KMT2E: variants seen among roughly 807,000 people sequenced by gnomAD.
KMT2E encodes histone reader KMT2E.
KMT2E carries 30 observed loss-of-function variants against 184.6 expected under a neutral mutation model. The observed-to-expected ratio is 0.16, with a 90% CI of 0.12 to 0.22. The LOEUF (loss-of-function observed/expected upper bound fraction) is 0.22, where lower values mean the gene tolerates loss of function less well. Ranked by LOEUF, KMT2E falls within the 10% of genes least tolerant of loss-of-function variation. The pLI is 1.00. For synonymous variants in KMT2E, 815 were observed against 776.5 expected (o/e 1.05, Z -0.82); for missense variants, 2,023 against 2,237.4 (o/e 0.90, Z 1.93).
intron 1 of KMT2E, among the ~76,000 whole-genome samples, chr7:105,024,525 C>G (rs1795092154): frequency 6.6e-6 from 1 of 152,130 alleles, no homozygotes; most frequent in Admixed American, 6.5e-5. Context: ...CACTGTGGCT[C>G]AAGGACCTCA....
Position 105,110,810 on chromosome 7 carries a change from A to C in KMT2E, c.4010A>C (p.Glu1337Ala), listed in dbSNP as rs1373453754. ...PENPEPTTTN[E>A]CPSPDTSQNT... ...AATCCAGAACCCACAACTACGAATG[A>C]ATGTCCATCCCCAGATACTTCTCAA... Residue 1337 changes from glutamate to alanine, a missense_variant, in exon 26 of 27, where the codon GAA (glutamate) becomes GCA (alanine). This residue lies in a region of KMT2E where 1,108 missense variants were observed against 1,050.9 expected (regional missense o/e 1.05). Transcript: ENST00000311117. 1 of 1,614,144 alleles carries C rather than the reference A, an allele frequency of 6.2e-7. No homozygotes were observed. Among genetic ancestry groups the C allele is most frequent in the Non-Finnish European group, 8.5e-7 (1 of 1,179,964 alleles).
chr7:105,109,233 G>A lies in KMT2E; in HGVS notation c.3755+5G>A. 1.2e-6 allele frequency: 2 copies of A among 1,612,634 alleles called. No homozygotes were observed. Among genetic ancestry groups the A allele is most frequent in the South Asian group, 1.1e-5 (1 of 90,886 alleles). Reference sequence around the variant, plus strand: ...GAATGAACCAGAAGTTCAATGGTAAGCCCATTGTGAAGTATGCTACTCTGG... The same window carrying A: ...GAATGAACCAGAAGTTCAATGGTAAACCCATTGTGAAGTATGCTACTCTGG... On this transcript the variant is annotated splice_donor_5th_base_variant and intron_variant, in intron 23 of 26. Coordinates refer to ENST00000311117, the MANE Select transcript of KMT2E (RefSeq NM_182931.3).
intron 13 of KMT2E, among the ~76,000 whole-genome samples, chr7:105,084,822 A>G (rs968049740): frequency 1.3e-5 from 2 of 152,174 alleles, no homozygotes; most frequent in Non-Finnish European, 2.9e-5. Context: ...CTACAAAGTT[A>G]TTATAGTAGT....
chr7:105,060,344 A>G (rs1429420458), intron 3 of KMT2E, among the ~76,000 whole-genome samples: 1 of 152,108 alleles, frequency 6.6e-6, no homozygotes, highest in African/African-American at 2.4e-5. Flanking sequence ...ACATAATACA[A>G]TGGTGGTCCC....
At chr7:105,078,512 T>G (rs547194763) in intron 11 of KMT2E, among the ~76,000 whole-genome samples, 1 of 152,198 alleles carries the variant, frequency 6.6e-6, no homozygotes, top group Non-Finnish European at 1.5e-5. Flanking sequence ...GACTTTTGTT[T>G]GTTTGTTTGT....
chr7:105,073,470 GT>G (rs1797410263), intron 6 of KMT2E, 148 bp from the exon 7 acceptor site: 1 of 523,444 alleles, frequency 1.9e-6, no homozygotes, highest in Non-Finnish European at 3.5e-6. Flanking sequence ...CTATTAGATT[GT>G]ATGTAAACTG....
chr7:105,037,211 C>T (rs941230251), intron 1 of KMT2E, among the ~76,000 whole-genome samples: 19 of 152,092 alleles, frequency 1.2e-4, no homozygotes, highest in African/African-American at 4.6e-4. Context: ...TTATAAAGGA[C>T]AGAAATATAA....
intron 11 of KMT2E, 83 bp downstream of exon 11, chr7:105,077,516 A>G (rs1347234887): frequency 3.7e-6 from 4 of 1,069,492 alleles, no homozygotes; most frequent in Non-Finnish European, 4.2e-6. Context: ...TTGTGATTAT[A>G]TGTACTTTTT....
chr7:105,092,349 C>T (rs781142657), intron 15 of KMT2E, among the ~76,000 whole-genome samples: 3 of 152,098 alleles, frequency 2.0e-5, no homozygotes, highest in Admixed American at 1.3e-4. Context: ...TTGCAGTGAG[C>T]TGAGATCATG....
rs568302119 is a variant in KMT2E, at chr7:105,073,698, C to G, written c.556+21C>G. 6 of 1,488,100 alleles carry G rather than the reference C, an allele frequency of 4.0e-6. No homozygotes were observed. In the African/African-American group the frequency reaches 8.3e-5, roughly 21 times the overall value. 92.2% of individuals were successfully genotyped at this position (1,488,100 alleles called of 1,614,324 possible). On this transcript the variant is annotated intron_variant, in intron 7 of 26. Transcript: ENST00000311117. ...GTCAGGTAGGTAAAAAGGACCTACACTAAATTAAAATTCGTGTGATTGAGA... is the reference window on the plus strand; with the variant it reads ...GTCAGGTAGGTAAAAAGGACCTACAGTAAATTAAAATTCGTGTGATTGAGA...
At chr7:105,016,899 A>G (rs1262667527) in intron 1 of KMT2E, among the ~76,000 whole-genome samples, 4 of 152,228 alleles carry the variant, frequency 2.6e-5, no homozygotes, top group Non-Finnish European at 2.9e-5. Context: ...AGGATTTTCT[A>G]CATACCAGTG....
intron 1 of KMT2E, among the ~76,000 whole-genome samples, chr7:105,019,964 C>T (rs930111282): frequency 4.6e-5 from 7 of 151,484 alleles, no homozygotes; most frequent in Non-Finnish European, 7.4e-5. Flanking sequence ...AAAAATTAGC[C>T]GGGCGTGGTG....
Position 105,079,511 on chromosome 7 carries a change from CTTTTTT to C in KMT2E, c.1248+573_1248+578del, listed in dbSNP as rs66734303. Among the ~76,000 whole-genome samples, 11 of 62,336 alleles carry C rather than the reference CTTTTTT, an allele frequency of 1.8e-4. No homozygotes were observed. The East Asian group carries it at 6.9e-3, about 39-fold the overall frequency. 40.9% of individuals were successfully genotyped at this position (62,336 alleles called of 152,430 possible). A position where few individuals can be genotyped will look rare whatever the true frequency, so the allele number is the denominator to read the frequency against. On this transcript the variant is annotated intron_variant, in intron 12 of 26. Coordinates refer to ENST00000311117, the MANE Select transcript of KMT2E (RefSeq NM_182931.3). ...CTTATAAGAGGAAATATTGGACTTC[CTTTTTT>C]TTTTTTTTTTTTTTTTTTTTTTTTG... is the stretch of plus-strand genomic sequence containing the variant.
chr7:105,078,871 T>C lies in KMT2E; in HGVS notation c.1156T>C (p.Ser386Pro), dbSNP rs1312365915. ...ACCATACCCTTTTGTGTTATTCTAC[T>C]CTAAATTTCATGGGCTAGAAATGTG... ...KRPYPFVLFY[S>P]KFHGLEMCVD... is the part of the protein sequence containing the mutation. The change falls in exon 12 of 27, where the codon TCT (serine) becomes CCT (proline). Residue 386 changes from serine (S) to proline (P), a missense_variant. Ser to Pro is a moderately conservative substitution (Grantham distance 74). Coordinates refer to ENST00000311117, the MANE Select transcript of KMT2E (RefSeq NM_182931.3). 6 of 1,600,342 alleles carry C rather than the reference T, an allele frequency of 3.7e-6. No individual in the cohort carries two copies. The highest frequency in any genetic ancestry group is 5.1e-6 in the Non-Finnish European group (6 of 1,167,886).
intron 12 of KMT2E, among the ~76,000 whole-genome samples, 157 bp downstream of exon 12, chr7:105,079,120 T>A (rs968174155): frequency 8.6e-5 from 13 of 151,624 alleles, no homozygotes; most frequent in Non-Finnish European, 1.8e-4. Flanking sequence ...ATTTATGTGA[T>A]AACTGGCTAT....
At chr7:105,058,521 G>C (rs770408227) in intron 3 of KMT2E, among the ~76,000 whole-genome samples, 3 of 152,120 alleles carry the variant, frequency 2.0e-5, no homozygotes, top group Non-Finnish European at 4.4e-5. Flanking sequence ...ATTTCTAAAA[G>C]AAGCAGTCAG....
chr7:105,080,793 C>T (rs1288783532), intron 12 of KMT2E, among the ~76,000 whole-genome samples: 2 of 151,666 alleles, frequency 1.3e-5, no homozygotes, highest in Non-Finnish European at 2.9e-5. Context: ...GGTGGATCAC[C>T]TGAGGTCAGG....
chr7:105,027,643 A>G (rs1795226835), intron 1 of KMT2E, among the ~76,000 whole-genome samples: 1 of 152,106 alleles, frequency 6.6e-6, no homozygotes, highest in Non-Finnish European at 1.5e-5. Context: ...TCAACTCTCT[A>G]GTTGTATTAT....
rs1233884628 is a variant in KMT2E, at chr7:105,112,228, C to G, written c.4472C>G (p.Pro1491Arg). 1.2e-6 allele frequency: 2 copies of G among 1,614,182 alleles called. No homozygotes were observed. Among genetic ancestry groups the G allele is most frequent in the Admixed American group, 3.3e-5 (2 of 60,026 alleles). Residue 1491 changes from proline to arginine, a missense_variant, in exon 27 of 27, where the codon CCT becomes CGT. Transcript: ENST00000311117. ...HHSQSPQVGT[P>R]QREPQRNFYP... is the part of the protein sequence containing the mutation. Reference sequence around the variant, plus strand: ...TCACAGTCACCTCAAGTTGGAACACCTCAGCGAGAGCCTCAAAGAAACTTT... The same window carrying G: ...TCACAGTCACCTCAAGTTGGAACACGTCAGCGAGAGCCTCAAAGAAACTTT...
Sources: allele counts gnomAD v4.1 joint callset (sites outside exome capture counted in the v4.1 genomes callset), GRCh38; gene constraint gnomAD v4.1.1; regional missense constraint gnomAD v4.1.1; transcripts MANE v1.5; gene names NCBI Gene and HGNC (gene_info 2026-07-23, HGNC 2026-07-21).